The following NAV3 variants were observed in gnomAD, a reference collection of about 807,000 sequenced individuals.
NAV3 encodes the protein pore membrane and/or filament interacting like protein 1.
In NAV3, 87 loss-of-function variants were observed where a neutral mutation model predicts 244.7. The observed-to-expected ratio is 0.36, with a 90% CI of 0.30 to 0.42. The LOEUF (loss-of-function observed/expected upper bound fraction) is 0.42, where lower values mean the gene tolerates loss of function less well. NAV3 is among the 20% of genes least tolerant of loss of function. NAV3 has a pLI of 1.00. For synonymous variants in NAV3, 1,126 were observed against 1,042.2 expected, an observed-to-expected ratio of 1.08 and a Z score of -1.55; for missense variants, 2,663 against 2,893.3, an observed-to-expected ratio of 0.92 and a Z score of 1.83.
Position 77,641,175 on chromosome 12 carries a change from CT to C in NAV3, c.72+68916del, listed in dbSNP as rs1380933305. 3.3e-5 allele frequency among the ~76,000 whole-genome samples: 5 copies of C among 151,906 alleles called. No individual in the cohort carries two copies. In the East Asian group the frequency reaches 9.6e-4, roughly 29 times the overall value. On this transcript the variant is annotated intron_variant, in intron 2 of 8. Transcript: ENST00000550042. Reference sequence around the variant, plus strand: ...CTCATTTCCCCTTTTTGATCAAAATCTTTTTTTCTCAAAAGCATTTATAGGC... The same window carrying C: ...CTCATTTCCCCTTTTTGATCAAAATCTTTTTTCTCAAAAGCATTTATAGGC...
chr12:77,597,607 A>G (rs963149186), intron 2 of NAV3, among the ~76,000 whole-genome samples: 2 of 152,122 alleles, frequency 1.3e-5, no homozygotes, highest in African/African-American at 4.8e-5. Flanking sequence ...AAATTCATTG[A>G]CCAAATATTG....
In NAV3 at chr12:78,118,244, A is replaced by G. The variant is rs2138574574; in HGVS notation, c.2987A>G (p.Gln996Arg). The change falls in exon 14 of 40, where the codon CAA becomes CGA. Residue 996 changes from glutamine (Q) to arginine (R), a missense_variant. By Grantham distance (43) the Gln-to-Arg change is conservative. Around this residue, in one of 6 missense-constraint regions of NAV3, gnomAD observed 1,521 missense variants for 1,497.0 expected, o/e 1.02. Coordinates refer to ENST00000397909, the MANE Select transcript of NAV3 (RefSeq NM_001024383.2). ...TCCTGGAGAAGAGGCATGTCTGCCC[A>G]AGGAGGGGCGCCATCTAGGCAGAAA... ...TGSWRRGMSA[Q>R]GGAPSRQKAG... 6.2e-7 allele frequency: 1 copy of G among 1,613,018 alleles called. No individual in the cohort carries two copies. Among genetic ancestry groups the G allele is most frequent in the Non-Finnish European group, 8.5e-7 (1 of 1,179,294 alleles).
rs116520946 is a variant in NAV3 at position 77,752,236 on chromosome 12, C to T, written c.72+179970C>T. Among the ~76,000 whole-genome samples, 466 of 152,220 alleles carry T rather than the reference C, an allele frequency of 3.1e-3. 3 individuals are homozygous for T. Among genetic ancestry groups the T allele is most frequent in the African/African-American group, 0.011 (445 of 41,522 alleles). On this transcript the variant is annotated intron_variant, in intron 2 of 8. Coordinates refer to the NAV3 transcript ENST00000550042. ...TTTTGTTCTTAATTTAAACTTGGCACGGATCCTGTCTTTGGTGTAAAACAT... is the reference window on the plus strand; with the variant it reads ...TTTTGTTCTTAATTTAAACTTGGCATGGATCCTGTCTTTGGTGTAAAACAT...
At chr12:77,677,656 T>C (rs185375799) in intron 2 of NAV3, among the ~76,000 whole-genome samples, 58 of 152,330 alleles carry the variant, frequency 3.8e-4, no homozygotes, top group African/African-American at 1.3e-3. Flanking sequence ...GCTGAGAAGA[T>C]AAAATGAGAT....
intron 3 of NAV3, among the ~76,000 whole-genome samples, chr12:77,953,048 C>A (rs1204990810): frequency 1.3e-5 from 2 of 151,972 alleles, no homozygotes; most frequent in African/African-American, 2.4e-5. Context: ...ATCTTCAGGT[C>A]AATGAATACT....
chr12:77,712,654 A>G (rs1876176794), intron 2 of NAV3, among the ~76,000 whole-genome samples: 2 of 152,182 alleles, frequency 1.3e-5, no homozygotes. Context: ...AGCAACTGAT[A>G]ACTGCAGTAA....
intron 2 of NAV3, among the ~76,000 whole-genome samples, chr12:77,810,990 A>G (rs1872260408): frequency 6.6e-6 from 1 of 152,250 alleles, no homozygotes; most frequent in African/African-American, 2.4e-5. Context: ...TAACAAATAT[A>G]CAAGGCAATT....
chr12:77,977,487 C>T (rs1226189916), intron 5 of NAV3, among the ~76,000 whole-genome samples: 1 of 127,256 alleles, frequency 7.9e-6, no homozygotes, highest in Non-Finnish European at 1.8e-5. Flanking sequence ...TTTTGTAAAA[C>T]CTGGATATTA....
intron 2 of NAV3, among the ~76,000 whole-genome samples, chr12:77,610,462 C>T (rs1870862076): frequency 6.6e-6 from 1 of 151,990 alleles, no homozygotes; most frequent in African/African-American, 2.4e-5. Context: ...ACTCTGGTTC[C>T]CTCAGAACCA....
At chr12:77,640,875 T>G (rs983628547) in intron 2 of NAV3, among the ~76,000 whole-genome samples, 1 of 152,126 alleles carries the variant, frequency 6.6e-6, no homozygotes, top group Non-Finnish European at 1.5e-5. Context: ...ATGAGCTCCA[T>G]GCAATTTTTG....
intron 2 of NAV3, 74 bp from the exon 3 acceptor site, chr12:77,941,007 G>C (rs542275121): frequency 2.2e-6 from 2 of 927,786 alleles, no homozygotes; most frequent in Non-Finnish European, 3.4e-6. Flanking sequence ...TCCTGTTTTC[G>C]TGTGTGTGTT....
intron 5 of NAV3, among the ~76,000 whole-genome samples, chr12:77,974,528 C>T (rs1593167270): frequency 6.6e-6 from 1 of 152,024 alleles, no homozygotes; most frequent in East Asian, 1.9e-4. Context: ...AAGCTCCTAG[C>T]CTCAGATGAT....
At chr12:78,059,298 T>G (rs112526401) in intron 12 of NAV3, among the ~76,000 whole-genome samples, 183 bp downstream of exon 12, 43 of 152,236 alleles carry the variant, frequency 2.8e-4, no homozygotes, top group African/African-American at 6.7e-4. Context: ...TTCGTTTTTT[T>G]TGTGTGTGTG....
intron 2 of NAV3, among the ~76,000 whole-genome samples, chr12:77,730,024 G>A (rs1877051559): frequency 6.6e-6 from 1 of 151,916 alleles, no homozygotes; most frequent in Non-Finnish European, 1.5e-5. Flanking sequence ...GACATTTGAA[G>A]CTTGTTGAAA....
intron 8 of NAV3, among the ~76,000 whole-genome samples, chr12:78,008,083 T>A (rs563535196): frequency 6.6e-6 from 1 of 152,344 alleles, no homozygotes; most frequent in Non-Finnish European, 1.5e-5. Flanking sequence ...TTGCAAATGT[T>A]CTTCAAATGT....
intron 2 of NAV3, among the ~76,000 whole-genome samples, chr12:77,666,427 A>G (rs1282473889): frequency 6.6e-6 from 1 of 152,178 alleles, no homozygotes; most frequent in Non-Finnish European, 1.5e-5. Context: ...CTTGAATCAT[A>G]TGAAGAGAGA....
intron 1 of NAV3, among the ~76,000 whole-genome samples, chr12:77,915,405 TTGTATAGCCCTCCAGAGATC>T (rs1887029177): frequency 6.6e-6 from 1 of 152,004 alleles, no homozygotes; most frequent in African/African-American, 2.4e-5. Flanking sequence ...AAATTTCTTC[TTGTATAGCCCTCCAGAGATC>T]TGTCAAATAA....
intron 12 of NAV3, among the ~76,000 whole-genome samples, chr12:78,092,217 C>T (rs886423545): frequency 3.3e-5 from 5 of 151,814 alleles, no homozygotes; most frequent in Admixed American, 6.6e-5. Flanking sequence ...GAAATGCGTG[C>T]GAAGAAAAAT....
chr12:77,906,096 G>T (rs986855607), intron 1 of NAV3, among the ~76,000 whole-genome samples: 1 of 152,068 alleles, frequency 6.6e-6, no homozygotes. Context: ...TATAGGCACT[G>T]GATTGATTAA....
Sources: allele counts gnomAD v4.1 joint callset (sites outside exome capture counted in the v4.1 genomes callset), GRCh38; gene constraint gnomAD v4.1.1; regional missense constraint gnomAD v4.1.1; transcripts MANE v1.5; gene names NCBI Gene and HGNC (gene_info 2026-07-23, HGNC 2026-07-21).